The following DHRS12 variants were observed in gnomAD, a reference collection of about 807,000 sequenced individuals.
The protein encoded by DHRS12 is dehydrogenase/reductase 12, also known as dehydrogenase/reductase SDR family member 12.
In DHRS12, 29 loss-of-function variants were observed where a neutral mutation model predicts 32.1. That is an observed-to-expected ratio of 0.90 (90% CI 0.67 to 1.23). The LOEUF (loss-of-function observed/expected upper bound fraction) is 1.23. DHRS12 is among the 50% of genes most tolerant of loss of function. The pLI is 0.00. For synonymous variants in DHRS12, 150 were observed against 135.9 expected, an observed-to-expected ratio of 1.10 and a Z score of -0.72; for missense variants, 330 against 337.2, an observed-to-expected ratio of 0.98 and a Z score of 0.17.
At chr13:51,794,134 G>T (rs931621914) in intron 2 of DHRS12, among the ~76,000 whole-genome samples, 2 of 152,212 alleles carry the variant, frequency 1.3e-5, no homozygotes, top group African/African-American at 4.8e-5. Flanking sequence ...ACAGGTGCAT[G>T]TGTGTAAAAG....
chr13:51,786,580 T>C (rs193226665), intron 4 of DHRS12, among the ~76,000 whole-genome samples: 10 of 152,320 alleles, frequency 6.6e-5, no homozygotes, highest in Non-Finnish European at 1.2e-4. Context: ...CAGTAGGATA[T>C]GAAAATCTCT....
chr13:51,793,832 C>A (rs529852135), intron 2 of DHRS12, among the ~76,000 whole-genome samples: 5 of 152,202 alleles, frequency 3.3e-5, no homozygotes, highest in African/African-American at 1.2e-4. Context: ...TATACAAAAT[C>A]CAGGTTAAAA....
intron 2 of DHRS12, among the ~76,000 whole-genome samples, chr13:51,796,436 G>A (rs778788887): frequency 3.7e-4 from 56 of 152,280 alleles, no homozygotes; most frequent in Admixed American, 6.5e-5. Context: ...TTCAAATCCC[G>A]TCAAGTGTAT....
At chr13:51,759,144 G>A in the DHRS12 span, among the ~76,000 whole-genome samples, 1 of 152,170 alleles carries the variant, frequency 6.6e-6, no homozygotes, top group Non-Finnish European at 1.5e-5. Flanking sequence ...TTGTGCCACT[G>A]TACTCCAGCC....
In DHRS12 at chr13:51,789,633, T is replaced by C. The variant is rs1001662000; in HGVS notation, c.301+378A>G. On this transcript the variant is annotated intron_variant, in intron 4 of 8. Coordinates refer to ENST00000444610, the MANE Select transcript of DHRS12 (RefSeq NM_001377533.1). Reference sequence around the variant, plus strand: ...GTGCTCTAGCCAATGCGCTTCTTGGTCCATCTTCTTGCCCACTGGTTGCAC... The same window carrying C: ...GTGCTCTAGCCAATGCGCTTCTTGGCCCATCTTCTTGCCCACTGGTTGCAC... 3 of 985,342 alleles carry C rather than the reference T, an allele frequency of 3.0e-6. No individual in the cohort carries two copies. The African/African-American group carries it at 5.2e-5, about 17-fold the overall frequency. 61.0% of individuals were successfully genotyped at this position (985,342 alleles called of 1,614,324 possible).
intron 4 of DHRS12, among the ~76,000 whole-genome samples, chr13:51,779,217 C>T (rs1954588072): frequency 6.6e-6 from 1 of 152,326 alleles, no homozygotes; most frequent in Admixed American, 6.5e-5. Flanking sequence ...CGTGAGCCAA[C>T]ATCACTCTCC....
chr13:51,759,719 A>G, the DHRS12 span: 8 of 1,613,762 alleles, frequency 5.0e-6, no homozygotes, highest in Middle Eastern at 3.3e-4. Context: ...TTCATTCTGT[A>G]TCTTCTTTTT....
intron 2 of DHRS12, among the ~76,000 whole-genome samples, chr13:51,794,417 G>A (rs1319132889): frequency 2.0e-5 from 3 of 152,330 alleles, no homozygotes; most frequent in South Asian, 2.1e-4. Context: ...GAGAAATGAG[G>A]CGGTATTTCA....
downstream of DHRS12, chr13:51,767,739 GGA>G (rs1242166295): frequency 1.3e-5 from 2 of 154,020 alleles, no homozygotes; most frequent in Non-Finnish European, 2.8e-5. Context: ...TGTGCTTCTG[GGA>G]CCATGCACAG....
Position 51,777,197 on chromosome 13 carries a change from G to A in DHRS12, c.302-76C>T. 3 of 1,562,550 alleles carry A rather than the reference G, an allele frequency of 1.9e-6. No individual in the cohort carries two copies. In the South Asian group the frequency reaches 3.3e-5, roughly 17 times the overall value. On this transcript the variant is annotated intron_variant, in intron 4 of 8. Transcript: ENST00000444610. Reference sequence around the variant, plus strand: ...AAGGGGTCCTGCAGGACTGATGTGGGGACTGTCTGCCCGCACCCGCCCCCC... The same window carrying A: ...AAGGGGTCCTGCAGGACTGATGTGGAGACTGTCTGCCCGCACCCGCCCCCC...
At chr13:51,787,217 C>A (rs1050091852) in intron 4 of DHRS12, among the ~76,000 whole-genome samples, 54 of 152,180 alleles carry the variant, frequency 3.5e-4, no homozygotes, top group African/African-American at 1.2e-3. Context: ...ATAGCAAGGT[C>A]TTTAGAAGCA....
chr13:51,793,578 C>A (rs1057025740), intron 2 of DHRS12, among the ~76,000 whole-genome samples: 8 of 152,234 alleles, frequency 5.3e-5, no homozygotes, highest in Admixed American at 1.3e-4. Context: ...CCTGGCCCAA[C>A]TGAATATTCC....
At chr13:51,763,442 G>A (rs1399505362), downstream of DHRS12, 2 of 152,200 alleles carry the variant, frequency 1.3e-5, no homozygotes, top group African/African-American at 2.4e-5. Context: ...GTTTGGCTGC[G>A]ATTCCCAGGC....
intron 4 of DHRS12, among the ~76,000 whole-genome samples, chr13:51,780,250 G>A (rs948585938): frequency 6.6e-6 from 1 of 152,154 alleles, no homozygotes; most frequent in Admixed American, 6.5e-5. Flanking sequence ...TGTTATAAAT[G>A]GTTAATGGGT....
At chr13:51,758,049 A>G in the DHRS12 span, 2 of 430,538 alleles carry the variant, frequency 4.6e-6, no homozygotes, top group South Asian at 6.1e-5. Context: ...TCACCAGGGA[A>G]TAAAGGCAGA....
At chr13:51,772,721 C>T in intron 6 of DHRS12, 1 of 985,470 alleles carries the variant, frequency 1.0e-6, no homozygotes. Flanking sequence ...TTGCCCCATC[C>T]CAGGGTAGTT....
downstream of DHRS12, chr13:51,765,763 C>T (rs756410501): frequency 2.0e-5 from 3 of 152,114 alleles, no homozygotes; most frequent in Non-Finnish European, 2.9e-5. Flanking sequence ...GGTGAAGTTT[C>T]TTTTCATGAG....
At chr13:51,790,680 C>T (rs531937731) in intron 3 of DHRS12, among the ~76,000 whole-genome samples, 3 of 152,206 alleles carry the variant, frequency 2.0e-5, no homozygotes, top group Non-Finnish European at 2.9e-5. Context: ...AGAAACTCTT[C>T]GGATAGAAAA....
In DHRS12 at chr13:51,768,314, C is replaced by G; in HGVS notation, c.698-18G>C. 6.5e-7 allele frequency: 1 copy of G among 1,535,430 alleles called. No individual in the cohort carries two copies. The highest frequency in any genetic ancestry group is 1.2e-5 in the South Asian group (1 of 84,026). ...CTTCCGATCTAAAAGTGAGAGGGAA[C>G]CGCAGAGAGGTGTGAGCTGCTGCAG... On this transcript the variant is annotated intron_variant, in intron 8 of 8. Coordinates refer to ENST00000444610, the MANE Select transcript of DHRS12 (RefSeq NM_001377533.1).
Sources: allele counts gnomAD v4.1 joint callset (sites outside exome capture counted in the v4.1 genomes callset), GRCh38; gene constraint gnomAD v4.1.1; transcripts MANE v1.5; gene names NCBI Gene and HGNC (gene_info 2026-07-23, HGNC 2026-07-21).